The following ARHGAP15 variants were observed in gnomAD, a reference collection of about 807,000 sequenced individuals.
ARHGAP15 encodes rho GTPase-activating protein 15.
In ARHGAP15, 51 loss-of-function variants were observed where a neutral mutation model predicts 63.7. That is an observed-to-expected ratio of 0.80 (90% CI 0.64 to 1.01). The LOEUF (loss-of-function observed/expected upper bound fraction) is 1.01, where lower values mean the gene tolerates loss of function less well. Ranked by LOEUF, ARHGAP15 falls within the 50% of genes least tolerant of loss-of-function variation. The probability of loss-of-function intolerance (pLI) is 0.00; values close to 1 mark genes in which losing one functional copy is unlikely to be tolerated. For missense variants in ARHGAP15, 560 were observed against 564.6 expected (o/e 0.99, Z 0.08); for synonymous variants, 191 against 193.8 (o/e 0.99, Z 0.12).
At chr2:143,555,117 T>C (rs2105083029) in intron 10 of ARHGAP15, among the ~76,000 whole-genome samples, 1 of 152,282 alleles carries the variant, frequency 6.6e-6, no homozygotes, top group East Asian at 1.9e-4. Context: ...TAGTGAATGA[T>C]TGTCTTAAAT....
At chr2:143,659,221 T>G (rs1681614731) in intron 12 of ARHGAP15, among the ~76,000 whole-genome samples, 1 of 152,134 alleles carries the variant, frequency 6.6e-6, no homozygotes, top group African/African-American at 2.4e-5. Context: ...ACCAAAGCAC[T>G]TAAAATTTGT....
intron 13 of ARHGAP15, among the ~76,000 whole-genome samples, chr2:143,720,350 G>A (rs60177972): frequency 4.7e-4 from 72 of 152,216 alleles, no homozygotes; most frequent in African/African-American, 1.7e-3. Context: ...AGGACGCCGA[G>A]GTTAACAATC....
intron 5 of ARHGAP15, among the ~76,000 whole-genome samples, chr2:143,241,553 A>G (rs1693863663): frequency 6.6e-6 from 1 of 152,338 alleles, no homozygotes; most frequent in South Asian, 2.1e-4. Flanking sequence ...GCATGTGCCT[A>G]GAAGTCTTTT....
At chr2:143,139,313 T>C (rs1287424257) in intron 1 of ARHGAP15, among the ~76,000 whole-genome samples, 8 of 152,246 alleles carry the variant, frequency 5.3e-5, no homozygotes, top group Non-Finnish European at 1.2e-4. Flanking sequence ...ATACCACTTA[T>C]TCCATACATC....
intron 12 of ARHGAP15, among the ~76,000 whole-genome samples, chr2:143,701,017 G>A (rs1047670705): frequency 6.6e-6 from 1 of 151,702 alleles, no homozygotes; most frequent in Non-Finnish European, 1.5e-5. Flanking sequence ...GCTCCCCTTT[G>A]TTTCTTTTTT....
chr2:143,283,117 T>A (rs1681932492), intron 6 of ARHGAP15, among the ~76,000 whole-genome samples: 2 of 152,160 alleles, frequency 1.3e-5, no homozygotes, highest in Non-Finnish European at 2.9e-5. Flanking sequence ...TGCTAACATT[T>A]TTCAAGGCAA....
intron 9 of ARHGAP15, among the ~76,000 whole-genome samples, chr2:143,510,018 TAAAAAAAAAAAAAAAAA>T (rs35469918): frequency 2.0e-5 from 1 of 48,808 alleles, no homozygotes; most frequent in Non-Finnish European, 3.6e-5. Flanking sequence ...GACTCCCTCT[TAAAAAAAAAAAAAAAAA>T]AAAAAAAAAA....
intron 6 of ARHGAP15, among the ~76,000 whole-genome samples, chr2:143,306,344 A>G (rs1443906866): frequency 6.6e-6 from 1 of 152,094 alleles, no homozygotes. Context: ...GAGAGTAAAC[A>G]CTGTAGTGTG....
Position 143,155,620 on chromosome 2 carries a change from A to G in ARHGAP15, c.130A>G (p.Met44Val), listed in dbSNP as rs776965321. The G allele has an allele frequency of 1.2e-6, 2 of 1,600,648 alleles. No homozygotes were observed. The highest frequency in any genetic ancestry group is 2.2e-5 in the South Asian group (2 of 88,952). The part of the protein sequence containing the change: ...HHDRLSQSKS[M>V]ILTDVGKVTE... ...TGACAGGCTCAGCCAAAGTAAATCCATGATCCTCACCGATGTCGGGAAGGT... is the reference window on the plus strand; with the variant it reads ...TGACAGGCTCAGCCAAAGTAAATCCGTGATCCTCACCGATGTCGGGAAGGT... The change falls in exon 2 of 14, where the codon ATG becomes GTG. Residue 44 changes from methionine to valine, a missense_variant. Physicochemically the swap from Met to Val is conservative, Grantham distance 21 (BLOSUM62 1). Transcript: ENST00000295095.
At chr2:143,457,550 T>A (rs989217328) in intron 8 of ARHGAP15, among the ~76,000 whole-genome samples, 3 of 150,726 alleles carry the variant, frequency 2.0e-5, no homozygotes, top group Non-Finnish European at 4.4e-5. Flanking sequence ...ATATATATAT[T>A]TATGATGTAA....
At chr2:143,517,799 G>C (rs1212852946) in intron 9 of ARHGAP15, among the ~76,000 whole-genome samples, 1 of 152,160 alleles carries the variant, frequency 6.6e-6, no homozygotes, top group East Asian at 1.9e-4. Flanking sequence ...TTTGATCAGA[G>C]ACCTAAGGCA....
At chr2:143,195,423 A>G (rs1160308137) in intron 2 of ARHGAP15, among the ~76,000 whole-genome samples, 2 of 152,316 alleles carry the variant, frequency 1.3e-5, no homozygotes, top group East Asian at 3.9e-4. Flanking sequence ...TAGTGTTAGA[A>G]TAATTGTGGG....
At chr2:143,384,839 C>T (rs1388632344) in intron 6 of ARHGAP15, among the ~76,000 whole-genome samples, 1 of 152,188 alleles carries the variant, frequency 6.6e-6, no homozygotes, top group African/African-American at 2.4e-5. Flanking sequence ...CCGGGGATAC[C>T]TTACCTTACC....
intron 9 of ARHGAP15, among the ~76,000 whole-genome samples, chr2:143,506,495 T>C (rs1182167788): frequency 1.3e-5 from 2 of 152,202 alleles, no homozygotes; most frequent in Non-Finnish European, 2.9e-5. Context: ...GTGAATTTCA[T>C]GGACAGTTTT....
chr2:143,196,996 G>A lies in ARHGAP15; in HGVS notation c.166-5138G>A, dbSNP rs60227045. On this transcript the variant is annotated intron_variant, in intron 2 of 13. Transcript: ENST00000295095. Reference sequence around the variant, plus strand: ...TAATTAATGAACAATTCTAGCAAAAGCAAAAAGGATTGAAGATCAAATGTT... The same window carrying A: ...TAATTAATGAACAATTCTAGCAAAAACAAAAAGGATTGAAGATCAAATGTT... 6.3e-3 allele frequency among the ~76,000 whole-genome samples: 952 copies of A among 151,974 alleles called. 25 individuals carry two copies. In the East Asian group the frequency reaches 0.092, roughly 15 times the overall value.
rs764811617 is a variant in ARHGAP15, at chr2:143,703,505, C to T, written c.1225C>T (p.Leu409Phe). The T allele has an allele frequency of 3.1e-6, 5 of 1,610,282 alleles. No individual in the cohort carries two copies. In the East Asian group the frequency reaches 8.9e-5, roughly 29 times the overall value. Residue 409 changes from leucine (L) to phenylalanine (F), a missense_variant, in exon 13 of 14, where the codon CTC (leucine) becomes TTC (phenylalanine). Coordinates refer to ENST00000295095, the MANE Select transcript of ARHGAP15 (RefSeq NM_018460.4). ...PPPNRDTMKV[L>F]FGHLTKIVAK... is the part of the protein sequence containing the mutation. ...GCCAAATCGTGACACCATGAAAGTC[C>T]TCTTTGGACATCTAACTAAGTAAGT...
chr2:143,285,088 G>A (rs754989525), intron 6 of ARHGAP15, among the ~76,000 whole-genome samples: 47 of 152,070 alleles, frequency 3.1e-4, no homozygotes, highest in Non-Finnish European at 4.1e-4. Context: ...TGACAAGATC[G>A]CTTAAGATTT....
At chr2:143,163,990 A>AT in intron 2 of ARHGAP15, among the ~76,000 whole-genome samples, 1 of 152,030 alleles carries the variant, frequency 6.6e-6, no homozygotes, top group Non-Finnish European at 1.5e-5. Flanking sequence ...TAAACGGTTG[A>AT]TTAGCCTCTG....
chr2:143,610,642 T>G (rs1428248149), intron 11 of ARHGAP15, among the ~76,000 whole-genome samples: 2 of 152,200 alleles, frequency 1.3e-5, no homozygotes, highest in African/African-American at 4.8e-5. Context: ...TAATTGTTAT[T>G]AATTAGCTAC....
Sources: allele counts gnomAD v4.1 joint callset (sites outside exome capture counted in the v4.1 genomes callset), GRCh38; gene constraint gnomAD v4.1.1; transcripts MANE v1.5; gene names NCBI Gene and HGNC (gene_info 2026-07-23, HGNC 2026-07-21).